Variants in HMMR observed in about 807,000 individuals in gnomAD.
HMMR encodes the protein intracellular hyaluronic acid-binding protein.
Under a neutral mutation model 101.0 loss-of-function variants are expected in HMMR, and 108 were observed. The observed-to-expected ratio is 1.07, with a 90% confidence interval of 0.92 to 1.25. The LOEUF (loss-of-function observed/expected upper bound fraction) is 1.25, where lower values mean the gene tolerates loss of function less well. Among genes scored for constraint, HMMR ranks in the 50% most tolerant of loss-of-function variants. The pLI, the probability that HMMR is intolerant of heterozygous loss-of-function variation, is 0.00. For synonymous variants in HMMR, 296 were observed against 276.4 expected (o/e 1.07, Z -0.70); for missense variants, 813 against 788.7 (o/e 1.03, Z -0.37).
chr5:163,484,314 A>G, intron 16 of HMMR, 69 bp downstream of exon 16: 1 of 716,528 alleles, frequency 1.4e-6, no homozygotes, highest in Non-Finnish European at 2.2e-6. Flanking sequence ...TAATACTTAA[A>G]TAAAATGAAT....
rs1374799512 is a variant in HMMR, at chr5:163,490,493, CA to C, written c.2069del (p.Lys690ArgfsTer13). 2 of 1,604,586 alleles carry C rather than the reference CA, an allele frequency of 1.2e-6. No homozygotes were observed. Among genetic ancestry groups the C allele is most frequent in the Non-Finnish European group, 1.7e-6 (2 of 1,177,006 alleles). On this transcript the variant is annotated frameshift_variant, in exon 17 of 18. Coordinates refer to ENST00000393915, the MANE Select transcript of HMMR (RefSeq NM_001142556.2). LOFTEE classifies it high-confidence loss of function. ...KVLGIKHFDP[S>X]KAFHHESKEN... ...CTAGGTATCAAACACTTTGATCCTT[CA>C]AAGGCTTTTCATCATGAAAGTAAAG... is the stretch of plus-strand genomic sequence containing the variant.
intron 13 of HMMR, 109 bp from the exon 14 acceptor site, chr5:163,482,910 TA>T: frequency 1.5e-6 from 2 of 1,335,478 alleles, no homozygotes; most frequent in Non-Finnish European, 2.1e-6. Context: ...TTTACTCAGT[TA>T]AAAAATGACA....
At chr5:163,469,942 C>A (rs755061419) in intron 5 of HMMR, 113 bp downstream of exon 5, 2 of 639,832 alleles carry the variant, frequency 3.1e-6, no homozygotes, top group African/African-American at 1.9e-5. Context: ...CCAAGGCAGG[C>A]GGATCACCTG....
At chr5:163,461,489 C>T (rs1020495023) in intron 1 of HMMR, among the ~76,000 whole-genome samples, 1 of 152,132 alleles carries the variant, frequency 6.6e-6, no homozygotes, top group African/African-American at 2.4e-5. Flanking sequence ...TTGGTAGGCA[C>T]TCATCATTTA....
intron 11 of HMMR, among the ~76,000 whole-genome samples, chr5:163,476,318 AAAAC>A (rs1381937049): frequency 7.2e-5 from 11 of 152,182 alleles, no homozygotes; most frequent in Non-Finnish European, 1.3e-4. Flanking sequence ...CTCTGTCTCA[AAAAC>A]AAACAAAACA....
chr5:163,463,735 A>C (rs970850927), intron 1 of HMMR, 121 bp from the exon 2 acceptor site: 2 of 443,074 alleles, frequency 4.5e-6, no homozygotes, highest in African/African-American at 4.1e-5. Context: ...AATTTTTTAC[A>C]TTTAAAAAAA....
intron 12 of HMMR, among the ~76,000 whole-genome samples, chr5:163,480,228 CT>C (rs763655473): frequency 1.5e-4 from 23 of 152,122 alleles, no homozygotes; most frequent in Admixed American, 9.8e-4. Flanking sequence ...TTTTTCCCCC[CT>C]GTGTATTATA....
chr5:163,480,263 C>T (rs1446772356), intron 12 of HMMR, among the ~76,000 whole-genome samples: 2 of 152,150 alleles, frequency 1.3e-5, no homozygotes, highest in Non-Finnish European at 2.9e-5. Flanking sequence ...TATATCCATA[C>T]AAATAATGCA....
At chr5:163,489,603 C>T (rs1759608773) in intron 16 of HMMR, among the ~76,000 whole-genome samples, 1 of 152,118 alleles carries the variant, frequency 6.6e-6, no homozygotes, top group Non-Finnish European at 1.5e-5. Context: ...TGAGTAACCT[C>T]CTGGTGTAGA....
chr5:163,469,083 G>A (rs538251233), intron 4 of HMMR, among the ~76,000 whole-genome samples: 10 of 152,192 alleles, frequency 6.6e-5, no homozygotes, highest in South Asian at 6.2e-4. Flanking sequence ...AATAAATAGC[G>A]GCCGGGTGTG....
rs150161742 is a variant in HMMR at position 163,475,877 on chromosome 5, C to T, written c.1268+205C>T. Among the ~76,000 whole-genome samples the T allele has an allele frequency of 2.1e-3, 326 of 152,128 alleles. 2 individuals are homozygous for T. The highest frequency in any genetic ancestry group is 2.6e-3 in the Non-Finnish European group (180 of 68,004). On this transcript the variant is annotated intron_variant, in intron 11 of 17. Transcript: ENST00000393915. ...GTACATGCAAACAAGTAAGACAGCCCCCTCTTTTAAGTTAAAAGTTAAAGG... is the reference window on the plus strand; with the variant it reads ...GTACATGCAAACAAGTAAGACAGCCTCCTCTTTTAAGTTAAAAGTTAAAGG...
At chr5:163,471,574 A>C in intron 7 of HMMR, 111 bp downstream of exon 7, 7 of 659,828 alleles carry the variant, frequency 1.1e-5, no homozygotes, top group Non-Finnish European at 1.8e-5. Context: ...TACTTATCTC[A>C]TTGCCTCCCT....
At chr5:163,479,008 C>T (rs1021446535) in intron 12 of HMMR, among the ~76,000 whole-genome samples, 8 of 152,088 alleles carry the variant, frequency 5.3e-5, no homozygotes, top group Non-Finnish European at 1.0e-4. Flanking sequence ...AGAAATTCCC[C>T]TTTCTCACCA....
intron 5 of HMMR, among the ~76,000 whole-genome samples, chr5:163,470,089 AC>A (rs1313104530): frequency 6.6e-6 from 1 of 152,094 alleles, no homozygotes; most frequent in Non-Finnish European, 1.5e-5. Context: ...AATCACTTGA[AC>A]CCAGGAGGTG....
rs1365107056 is a variant in HMMR, at chr5:163,484,101, G to A, written c.1818G>A (p.Gln606=). 1.3e-5 allele frequency: 20 copies of A among 1,596,816 alleles called. No individual in the cohort carries two copies. The highest frequency in any genetic ancestry group is 1.7e-5 in the Non-Finnish European group (20 of 1,173,060). ...LQLDAFEVEK[Q]ALLNEHGAAQ... ...TAGATGCTTTTGAAGTAGAAAAACA[G>A]GCATTGTTGAATGAACATGGTGCAG... Residue 606 remains glutamine (Q), a synonymous_variant, in exon 16 of 18, where the codon CAG becomes CAA. Transcript: ENST00000393915.
chr5:163,466,011 C>A (rs1335845601), intron 3 of HMMR, among the ~76,000 whole-genome samples: 2 of 149,192 alleles, frequency 1.3e-5, no homozygotes, highest in Non-Finnish European at 3.0e-5. Context: ...CGCCTGTAAT[C>A]CCAGCACTTT....
intron 3 of HMMR, among the ~76,000 whole-genome samples, chr5:163,466,189 C>A (rs1194920246): frequency 6.6e-6 from 1 of 151,784 alleles, no homozygotes; most frequent in Non-Finnish European, 1.5e-5. Flanking sequence ...CTGCTTGAAC[C>A]TAGGGAGGCA....
At chr5:163,482,261 C>G (rs1216888356) in intron 12 of HMMR, among the ~76,000 whole-genome samples, 4 of 152,190 alleles carry the variant, frequency 2.6e-5, no homozygotes, top group Admixed American at 2.6e-4. Flanking sequence ...CCAGGTAAGC[C>G]CACTGTGCCC....
At chr5:163,487,939 C>T (rs1759534535) in intron 16 of HMMR, among the ~76,000 whole-genome samples, 1 of 152,090 alleles carries the variant, frequency 6.6e-6, no homozygotes, top group African/African-American at 2.4e-5. Context: ...ACTGCAGCCT[C>T]AACCTCCCTG....
Sources: gnomAD v4.1 joint callset for allele counts (sites outside exome capture counted in the v4.1 genomes callset) on GRCh38, gnomAD v4.1.1 for gene constraint, MANE v1.5 for transcripts, NCBI Gene and HGNC (gene_info 2026-07-23, HGNC 2026-07-21) for gene names.